LPCAT3: variants seen among roughly 807,000 people sequenced by gnomAD.
LPCAT3 encodes lysophospholipid acyltransferase 5.
Under a neutral mutation model 63.4 loss-of-function variants are expected in LPCAT3, and 21 were observed. The observed-to-expected ratio is 0.33, with a 90% CI of 0.23 to 0.48. The LOEUF (loss-of-function observed/expected upper bound fraction) is 0.48. Ranked by LOEUF, LPCAT3 falls within the 20% of genes least tolerant of loss-of-function variation. LPCAT3 has a pLI of 0.99. For synonymous variants in LPCAT3, 242 were observed against 227.5 expected, an observed-to-expected ratio of 1.06 and a Z score of -0.58; for missense variants, 451 against 590.6, an observed-to-expected ratio of 0.76 and a Z score of 2.45.
intron 1 of LPCAT3, among the ~76,000 whole-genome samples, chr12:6,991,526 T>G (rs1946590488): frequency 6.6e-6 from 1 of 152,212 alleles, no homozygotes; most frequent in African/African-American, 2.4e-5. Context: ...CACCATTGAT[T>G]TCAGCAGAAA....
chr12:6,979,235 A>G (rs1429536703), intron 7 of LPCAT3: 1 of 550,710 alleles, frequency 1.8e-6, no homozygotes. Flanking sequence ...GCTCCTAGAG[A>G]AGGCAACGGG....
intron 1 of LPCAT3, among the ~76,000 whole-genome samples, chr12:7,013,884 C>T (rs781843764): frequency 9.2e-5 from 14 of 152,370 alleles, no homozygotes; most frequent in African/African-American, 3.1e-4. Flanking sequence ...CTCCAATGTT[C>T]CCTATCACCT....
chr12:6,981,686 T>G (rs1555154106), intron 4 of LPCAT3, 54 bp from the exon 5 acceptor site: 9 of 1,329,338 alleles, frequency 6.8e-6, no homozygotes, highest in Non-Finnish European at 9.2e-6. Flanking sequence ...ACTGAGGATG[T>G]GGCCTGTAGA....
chr12:6,976,858 CG>C lies in LPCAT3; in HGVS notation c.*45del. On this transcript the variant is annotated 3_prime_UTR_variant, in exon 13 of 13. Coordinates refer to ENST00000261407, the MANE Select transcript of LPCAT3 (RefSeq NM_005768.6). ...CAAAGGAGTGCTGTGAAAAGGGAGA[CG>C]AGTAGTTTCTGCACCAGTCCCGCAC... 3.3e-6 allele frequency: 1 copy of C among 302,710 alleles called. No homozygotes were observed. 18.8% of individuals were successfully genotyped at this position (302,710 alleles called of 1,614,324 possible).
chr12:6,976,276 C>G lies in LPCAT3; in HGVS notation c.*628G>C, dbSNP rs1416186854. 1.3e-5 allele frequency: 2 copies of G among 153,886 alleles called. No homozygotes were observed. The highest frequency in any genetic ancestry group is 4.8e-5 in the African/African-American group (2 of 41,446). 9.5% of individuals were successfully genotyped at this position (153,886 alleles called of 1,614,324 possible). On this transcript the variant is annotated 3_prime_UTR_variant, in exon 13 of 13. Transcript: ENST00000261407. ...CAGGGCCTTGCACCCCTCTCCACCC[C>G]CCCATGGGGGGGGTGGTGGTAGCGG...
In LPCAT3 at chr12:7,018,316, C is replaced by T; in HGVS notation, c.109G>A (p.Ala37Thr). The T allele has an allele frequency of 6.2e-7, 1 of 1,609,216 alleles. No homozygotes were observed. Among genetic ancestry groups the T allele is most frequent in the Non-Finnish European group, 8.5e-7 (1 of 1,178,110 alleles). ...SLNKLATSLG[A>T]SEQALRLIIS... Reference sequence around the variant, plus strand: ...ATCAGCCGCAGCGCCTGTTCTGACGCGCCCAGGGACGTCGCCAACTTGTTA... The same window carrying T: ...ATCAGCCGCAGCGCCTGTTCTGACGTGCCCAGGGACGTCGCCAACTTGTTA... The change falls in exon 1 of 13, where the codon GCG becomes ACG. Residue 37 changes from alanine (A) to threonine (T), a missense_variant. Physicochemically the swap from Ala to Thr is moderately conservative, Grantham distance 58. Around this residue, in one of 3 missense-constraint regions of LPCAT3, gnomAD observed 133 missense variants for 152.1 expected, o/e 0.87. Transcript: ENST00000261407. This position sits in a 1 kb window ranked among gnomAD's most constrained non-coding sequence, Gnocchi z 4.9.
chr12:6,978,239 T>C (rs782143300), intron 9 of LPCAT3, 102 bp downstream of exon 9: 116 of 1,375,496 alleles, frequency 8.4e-5, no homozygotes, highest in Non-Finnish European at 1.1e-4. Flanking sequence ...TCTGCCCAGA[T>C]GGGAAAGACG....
chr12:6,983,642 A>G (rs75408212), intron 1 of LPCAT3, 103 bp from the exon 2 acceptor site: 24 of 651,914 alleles, frequency 3.7e-5, no homozygotes, highest in Non-Finnish European at 8.1e-6. Context: ...AGGGAGAGAG[A>G]AAAAAAAAAC....
At chr12:6,976,975 G>A (rs1555153286) in intron 12 of LPCAT3, 84 bp from the exon 13 acceptor site, 1 of 607,362 alleles carries the variant, frequency 1.6e-6, no homozygotes, top group Non-Finnish European at 3.0e-6. Context: ...TTCCTAGCAT[G>A]CCTCAATAAG....
rs1209222125 is a variant in LPCAT3 at position 6,981,191 on chromosome 12, A to G, written c.499-9T>C. On this transcript the variant is annotated splice_polypyrimidine_tract_variant and intron_variant, in intron 5 of 12. Transcript: ENST00000261407. ...TCAGAGGACAAGGAATTCTATGCCA[A>G]GAAGAGAATGCATGGTTCAGGATAG... is the stretch of plus-strand genomic sequence containing the variant. The G allele has an allele frequency of 6.2e-7, 1 of 1,600,676 alleles. No individual in the cohort carries two copies.
chr12:6,979,670 G>C (rs1431223916), intron 6 of LPCAT3, 91 bp from the exon 7 acceptor site: 5 of 857,264 alleles, frequency 5.8e-6, no homozygotes, highest in Non-Finnish European at 9.7e-6. Flanking sequence ...GAGTGTTTAG[G>C]GGTGTGGTTG....
chr12:6,983,274 G>C, intron 2 of LPCAT3, 158 bp downstream of exon 2: 1 of 614,004 alleles, frequency 1.6e-6, no homozygotes, highest in Non-Finnish European at 2.9e-6. Context: ...AAGAAAAAAA[G>C]GAAAAGTTAA....
chr12:6,979,273 G>A (rs1370326171), intron 7 of LPCAT3, 198 bp downstream of exon 7: 14 of 594,020 alleles, frequency 2.4e-5, no homozygotes, highest in South Asian at 6.1e-5. Flanking sequence ...GCACAGCCCT[G>A]TGCCCGCGAA....
intron 1 of LPCAT3, among the ~76,000 whole-genome samples, chr12:6,998,931 C>A (rs1946660934): frequency 6.6e-6 from 1 of 152,250 alleles, no homozygotes; most frequent in South Asian, 2.1e-4. Flanking sequence ...CAGAGCAGAG[C>A]TCAAATTAGA....
intron 1 of LPCAT3, among the ~76,000 whole-genome samples, chr12:7,000,329 TGCCC>T (rs1946673994): frequency 5.9e-5 from 9 of 151,614 alleles, no homozygotes; most frequent in African/African-American, 2.2e-4. Context: ...CGGTGGCTCA[TGCCC>T]ACCCAGCTCT....
rs1555153425 is a variant in LPCAT3, at chr12:6,977,507, C to T, written c.1207G>A (p.Glu403Lys). 1 of 1,614,198 alleles carries T rather than the reference C, an allele frequency of 6.2e-7. No homozygotes were observed. The highest frequency in any genetic ancestry group is 2.2e-5 in the East Asian group (1 of 44,886). ...GCCAGCTTGCTCAGGGTGGGGCTCT[C>T]TTGAATGAGCCTGGCAGCCTGGGGA... The part of the protein sequence containing the change: ...VERQAARLIQ[E>K]SPTLSKLAAI... Residue 403 changes from glutamate (E) to lysine (K), a missense_variant, in exon 11 of 13, where the codon GAG (glutamate) becomes AAG (lysine). Glu to Lys is a moderately conservative substitution (Grantham distance 56). Coordinates refer to ENST00000261407, the MANE Select transcript of LPCAT3 (RefSeq NM_005768.6). The surrounding 1 kb of genome is among the most constrained non-coding windows in gnomAD (Gnocchi z 4.5).
At chr12:7,014,662 C>T (rs1310531903) in intron 1 of LPCAT3, among the ~76,000 whole-genome samples, 3 of 151,786 alleles carry the variant, frequency 2.0e-5, no homozygotes, top group East Asian at 1.9e-4. Flanking sequence ...TTTGGGAGGC[C>T]GAGGCAGGTG....
Position 6,978,138 on chromosome 12 carries a change from A to G in LPCAT3, c.1040+203T>C, listed in dbSNP as rs1221551556. On this transcript the variant is annotated intron_variant, in intron 9 of 12. Coordinates refer to ENST00000261407, the MANE Select transcript of LPCAT3 (RefSeq NM_005768.6). ...AACACCCAGGTCTTAACGCACTTTT[A>G]TATCTTGCCTTTTTTTCAAATATGA... 7 of 628,956 alleles carry G rather than the reference A, an allele frequency of 1.1e-5. No homozygotes were observed. In the African/African-American group the frequency reaches 1.4e-4, roughly 12 times the overall value. The allele number at this position is 628,956 out of a possible 1,614,324, so 39.0% of individuals were successfully genotyped here.
chr12:6,994,453 C>T (rs782285902), intron 1 of LPCAT3, among the ~76,000 whole-genome samples: 1 of 152,264 alleles, frequency 6.6e-6, no homozygotes, highest in African/African-American at 2.4e-5. Flanking sequence ...AGTGATCGAC[C>T]TGCCTTGGCG....
Sources: allele counts gnomAD v4.1 joint callset (sites outside exome capture counted in the v4.1 genomes callset), GRCh38; gene constraint gnomAD v4.1.1; regional missense constraint gnomAD v4.1.1; non-coding constraint Gnocchi (gnomAD v3.1); transcripts MANE v1.5; gene names NCBI Gene and HGNC (gene_info 2026-07-23, HGNC 2026-07-21).